Variants in NAV2 observed in about 807,000 individuals in gnomAD.
The protein encoded by NAV2 is helicase, APC down-regulated 1.
A neutral mutation model predicts 223.2 loss-of-function variants in NAV2; 54 were observed. That is an observed-to-expected ratio of 0.24 (90% CI 0.19 to 0.30). NAV2 has a LOEUF of 0.30. NAV2 is among the 10% of genes least tolerant of loss of function. The pLI, the probability that NAV2 is intolerant of heterozygous loss-of-function variation, is 1.00. For missense variants in NAV2, 2,806 were observed against 3,147.5 expected (o/e 0.89, Z 2.60); for synonymous variants, 1,279 against 1,239.3 (o/e 1.03, Z -0.67).
chr11:19,841,015 G>A (rs2060483197), intron 2 of NAV2, among the ~76,000 whole-genome samples: 1 of 152,160 alleles, frequency 6.6e-6, no homozygotes, highest in African/African-American at 2.4e-5. Flanking sequence ...ATTCCATTCA[G>A]TGGGCATCTT....
At chr11:19,465,322 T>C (rs1458471783) in intron 1 of NAV2, among the ~76,000 whole-genome samples, 1 of 152,208 alleles carries the variant, frequency 6.6e-6, no homozygotes, top group Non-Finnish European at 1.5e-5. Context: ...CATGGAGATG[T>C]TATCATTTCC....
At chr11:19,834,173 C>T (rs2060105140) in intron 2 of NAV2, among the ~76,000 whole-genome samples, 1 of 152,198 alleles carries the variant, frequency 6.6e-6, no homozygotes, top group East Asian at 1.9e-4. Context: ...TTTTCCAATT[C>T]TTCCTCTTCC....
intron 20 of NAV2, among the ~76,000 whole-genome samples, chr11:20,062,925 C>T (rs1377060199): frequency 6.6e-6 from 1 of 152,178 alleles, no homozygotes; most frequent in Non-Finnish European, 1.5e-5. Flanking sequence ...AAACTCCTGA[C>T]CTTGTGATCC....
At chr11:19,873,901 G>A (rs1235128634) in intron 4 of NAV2, among the ~76,000 whole-genome samples, 1 of 152,154 alleles carries the variant, frequency 6.6e-6, no homozygotes, top group Non-Finnish European at 1.5e-5. Flanking sequence ...TGCTGATTAT[G>A]CAGCCGGCCC....
chr11:19,995,999 AGT>A lies in NAV2; in HGVS notation c.2768+11753_2768+11754del, dbSNP rs1340033485. On this transcript the variant is annotated intron_variant, in intron 11 of 37. Transcript: ENST00000349880. Reference sequence around the variant, plus strand: ...TCTCCTATGCTGTGATTTTTCATGCAGTTGACAGGCTTTGCATGGTACTCCTG... The same window carrying A: ...TCTCCTATGCTGTGATTTTTCATGCATGACAGGCTTTGCATGGTACTCCTG... Among the ~76,000 whole-genome samples, 5 of 152,284 alleles carry A rather than the reference AGT, an allele frequency of 3.3e-5. No individual in the cohort carries two copies. In the East Asian group the frequency reaches 9.7e-4, roughly 29 times the overall value.
intron 1 of NAV2, among the ~76,000 whole-genome samples, chr11:19,552,771 T>C (rs533492415): frequency 6.6e-6 from 1 of 152,240 alleles, no homozygotes; most frequent in South Asian, 2.1e-4. Context: ...CTGTGAGGAT[T>C]TTCTGCCTTA....
intron 1 of NAV2, among the ~76,000 whole-genome samples, chr11:19,420,538 T>A (rs1850566587): frequency 6.6e-6 from 1 of 152,180 alleles, no homozygotes; most frequent in Non-Finnish European, 1.5e-5. Context: ...TAGAATGAAG[T>A]CTGTTTATAC....
intron 1 of NAV2, among the ~76,000 whole-genome samples, chr11:19,523,418 T>C (rs2043737272): frequency 6.6e-6 from 1 of 152,226 alleles, no homozygotes; most frequent in Non-Finnish European, 1.5e-5. Context: ...TTTCTGGGCC[T>C]CAGTTTCCCT....
At chr11:19,960,578 CT>C (rs374521612) in intron 10 of NAV2, among the ~76,000 whole-genome samples, 1 of 144,052 alleles carries the variant, frequency 6.9e-6, no homozygotes, top group Non-Finnish European at 1.5e-5. Context: ...TAGGGCCACC[CT>C]TTTTTAAAAT....
At chr11:19,728,088 G>A (rs1297876436) in intron 1 of NAV2, among the ~76,000 whole-genome samples, 1 of 152,166 alleles carries the variant, frequency 6.6e-6, no homozygotes, top group Non-Finnish European at 1.5e-5. Flanking sequence ...CACCAAGAAG[G>A]TTTCTGTGTG....
chr11:19,983,113 A>G (rs1565696665), intron 10 of NAV2, among the ~76,000 whole-genome samples: 1 of 152,182 alleles, frequency 6.6e-6, no homozygotes, highest in African/African-American at 2.4e-5. Flanking sequence ...GCTCTGCCCA[A>G]GTTTTGCTTT....
chr11:19,972,777 AC>A (rs2049361959), intron 10 of NAV2, among the ~76,000 whole-genome samples: 1 of 152,124 alleles, frequency 6.6e-6, no homozygotes, highest in Admixed American at 6.5e-5. Context: ...CCAAGCTGAC[AC>A]TAAGCCCCTC....
At chr11:19,584,410 C>A (rs145536532) in intron 1 of NAV2, among the ~76,000 whole-genome samples, 1,909 of 152,114 alleles carry the variant, frequency 0.013, 41 homozygotes, top group African/African-American at 0.044. Context: ...TTATTTCTTG[C>A]CTTCTGCTAG....
intron 4 of NAV2, among the ~76,000 whole-genome samples, chr11:19,878,929 CCCCTTGCCAGTTAAGAA>C (rs2063027120): frequency 6.6e-6 from 1 of 152,148 alleles, no homozygotes; most frequent in African/African-American, 2.4e-5. Context: ...CTGCCTTTTC[CCCCTTGCCAGTTAAGAA>C]AAACCCATCC....
At chr11:19,999,552 G>A (rs2052335157) in intron 11 of NAV2, among the ~76,000 whole-genome samples, 1 of 152,194 alleles carries the variant, frequency 6.6e-6, no homozygotes, top group Non-Finnish European at 1.5e-5. Flanking sequence ...TGTATTTTTA[G>A]TAGAGATGGG....
intron 1 of NAV2, among the ~76,000 whole-genome samples, chr11:19,704,741 G>A (rs1349720384): frequency 1.3e-5 from 2 of 152,074 alleles, no homozygotes; most frequent in East Asian, 1.9e-4. Flanking sequence ...GGCCGGGCGC[G>A]GTGGCTCACG....
intron 1 of NAV2, among the ~76,000 whole-genome samples, chr11:19,666,831 A>G (rs1341021319): frequency 1.4e-3 from 213 of 152,280 alleles, no homozygotes; most frequent in African/African-American, 5.0e-3. Context: ...AGCTTTTAAA[A>G]ATGCAGGTGT....
intron 1 of NAV2, among the ~76,000 whole-genome samples, chr11:19,812,777 C>A (rs2058896370): frequency 6.6e-6 from 1 of 152,054 alleles, no homozygotes; most frequent in Non-Finnish European, 1.5e-5. Context: ...GCGATCATAG[C>A]AGGCCACTCT....
intron 25 of NAV2, among the ~76,000 whole-genome samples, chr11:20,081,792 T>C (rs2060108895): frequency 6.6e-6 from 1 of 152,220 alleles, no homozygotes; most frequent in South Asian, 2.1e-4. Context: ...CCCTGGAACG[T>C]ATTTTCACAA....
Sources: gnomAD v4.1 joint callset for allele counts (sites outside exome capture counted in the v4.1 genomes callset) on GRCh38, gnomAD v4.1.1 for gene constraint, MANE v1.5 for transcripts, NCBI Gene and HGNC (gene_info 2026-07-23, HGNC 2026-07-21) for gene names.